GSDMC: variants seen among roughly 807,000 people sequenced by gnomAD.
GSDMC encodes the protein gasdermin-C.
A neutral mutation model predicts 58.0 loss-of-function variants in GSDMC; 59 were observed. The observed-to-expected ratio is 1.02, with a 90% CI of 0.82 to 1.26. GSDMC has a LOEUF of 1.26. Among genes scored for constraint, GSDMC ranks in the 50% most tolerant of loss-of-function variants. The pLI is 0.00. For synonymous variants in GSDMC, 241 were observed against 220.2 expected (o/e 1.09, Z -0.83); for missense variants, 659 against 598.5 (o/e 1.10, Z -1.06).
intron 8 of GSDMC, 95 bp downstream of exon 8, chr8:129,752,011 C>G (rs915820767): frequency 4.1e-6 from 6 of 1,457,522 alleles, no homozygotes; most frequent in Non-Finnish European, 5.8e-6. Context: ...CCCCAGAGGC[C>G]AGACCCCAAG....
chr8:129,728,438 G>A, the GSDMC span, among the ~76,000 whole-genome samples: 1 of 152,150 alleles, frequency 6.6e-6, no homozygotes, highest in Non-Finnish European at 1.5e-5. Flanking sequence ...AGGGGACTGA[G>A]GAAGTTTTCC....
the GSDMC span, among the ~76,000 whole-genome samples, chr8:129,711,222 C>T: frequency 2.0e-5 from 3 of 152,212 alleles, no homozygotes; most frequent in East Asian, 3.8e-4. Flanking sequence ...CGTGTACAAT[C>T]ATGCCACCTT....
the GSDMC span, chr8:129,730,344 A>G: frequency 7.5e-7 from 1 of 1,325,650 alleles, no homozygotes; most frequent in African/African-American, 1.5e-5. Context: ...TGATCTTGAA[A>G]CTGTTATGCA....
chr8:129,707,495 TC>T, the GSDMC span, among the ~76,000 whole-genome samples: 1 of 152,212 alleles, frequency 6.6e-6, no homozygotes, highest in South Asian at 2.1e-4. Context: ...TTACTGTTCT[TC>T]TTTATATTGT....
Position 129,750,101 on chromosome 8 carries a change from C to A in GSDMC, c.1102G>T (p.Gly368Cys). ...LMNMLELDSSGHLDGPGGAIL... is the reference protein window; with the variant it reads ...LMNMLELDSSCHLDGPGGAIL... ...GCACCACCAGGGCCATCCAAATGAC[C>A]TGAGCTGTCCAATTCCAGCTATAGA... Residue 368 changes from glycine (G) to cysteine (C), a missense_variant, in exon 12 of 14, where the codon GGT (glycine) becomes TGT (cysteine). Gly to Cys is a radical substitution (Grantham distance 159). Coordinates refer to ENST00000276708, the MANE Select transcript of GSDMC (RefSeq NM_031415.3). 1.3e-6 allele frequency: 2 copies of A among 1,578,116 alleles called. No homozygotes were observed. Among genetic ancestry groups the A allele is most frequent in the Non-Finnish European group, 1.7e-6 (2 of 1,167,696 alleles).
At chr8:129,706,176 C>T in the GSDMC span, among the ~76,000 whole-genome samples, 3 of 152,110 alleles carry the variant, frequency 2.0e-5, no homozygotes, top group Non-Finnish European at 2.9e-5. Flanking sequence ...GATGTGGATG[C>T]ATTCCAGATT....
the GSDMC span, among the ~76,000 whole-genome samples, chr8:129,727,996 C>T: frequency 6.6e-6 from 1 of 152,096 alleles, no homozygotes; most frequent in East Asian, 1.9e-4. Flanking sequence ...TGTAGCAGGG[C>T]CCTCTCCACT....
intron 6 of GSDMC, among the ~76,000 whole-genome samples, chr8:129,753,268 G>C (rs1170454605): frequency 6.6e-6 from 1 of 152,186 alleles, no homozygotes; most frequent in African/African-American, 2.4e-5. Context: ...AGAGAGTGAA[G>C]AGTACAGAGG....
the GSDMC span, among the ~76,000 whole-genome samples, chr8:129,715,225 T>C: frequency 6.6e-6 from 1 of 152,288 alleles, no homozygotes; most frequent in East Asian, 1.9e-4. Context: ...GAGGGTCTTC[T>C]TAACTCAGTA....
chr8:129,774,490 C>T (rs1431754588), intron 3 of GSDMC, among the ~76,000 whole-genome samples: 3 of 142,846 alleles, frequency 2.1e-5, no homozygotes, highest in Non-Finnish European at 4.6e-5. Flanking sequence ...TTGGTTATGG[C>T]AACAATTTGT....
chr8:129,741,358 T>A, the GSDMC span, among the ~76,000 whole-genome samples: 1 of 152,082 alleles, frequency 6.6e-6, no homozygotes. Flanking sequence ...AATTTGGGGG[T>A]TTTTTTCTAT....
At chr8:129,781,351 A>G (rs1043083706) in intron 1 of GSDMC, among the ~76,000 whole-genome samples, 1 of 152,244 alleles carries the variant, frequency 6.6e-6, no homozygotes, top group African/African-American at 2.4e-5. Flanking sequence ...ATTCGTGTCA[A>G]TGAAAACCAA....
At chr8:129,712,129 C>T in the GSDMC span, among the ~76,000 whole-genome samples, 1 of 152,088 alleles carries the variant, frequency 6.6e-6, no homozygotes, top group Non-Finnish European at 1.5e-5. Context: ...ATAATAATAA[C>T]AATAATAATA....
chr8:129,722,080 T>C, the GSDMC span, among the ~76,000 whole-genome samples: 2 of 152,250 alleles, frequency 1.3e-5, no homozygotes, highest in East Asian at 1.9e-4. Flanking sequence ...TGTTCCTTTA[T>C]GGTATTTCTT....
the GSDMC span, among the ~76,000 whole-genome samples, chr8:129,716,253 T>A: frequency 6.6e-6 from 1 of 152,166 alleles, no homozygotes; most frequent in Non-Finnish European, 1.5e-5. Context: ...TCATATGCTT[T>A]CTACAAGAAA....
In GSDMC at chr8:129,748,393, C is replaced by T; in HGVS notation, c.*108G>A. 8.7e-7 allele frequency: 1 copy of T among 1,147,818 alleles called. No individual in the cohort carries two copies. Among genetic ancestry groups the T allele is most frequent in the Non-Finnish European group, 1.2e-6 (1 of 827,592 alleles). The allele number at this position is 1,147,818 out of a possible 1,614,324, so 71.1% of individuals were successfully genotyped here. A position where few individuals can be genotyped will look rare whatever the true frequency, so the allele number is the denominator to read the frequency against. On this transcript the variant is annotated 3_prime_UTR_variant, in exon 14 of 14. Coordinates refer to ENST00000276708, the MANE Select transcript of GSDMC (RefSeq NM_031415.3). ...CTACCCATTACTGTCTCTACTCCAC[C>T]TGGAAACGCAGAGAGGCACAGCCCT...
At chr8:129,741,915 A>AATATATAT in the GSDMC span, among the ~76,000 whole-genome samples, 3,270 of 126,168 alleles carry the variant, frequency 0.026, 174 homozygotes, top group African/African-American at 0.085. Context: ...AAGAAAATGT[A>AATATATAT]ATATATATAT....
At chr8:129,709,590 T>TAGATGATA in the GSDMC span, among the ~76,000 whole-genome samples, 1 of 146,022 alleles carries the variant, frequency 6.8e-6, no homozygotes, top group Non-Finnish European at 1.5e-5. Context: ...GATAGATAGA[T>TAGATGATA]GATAGATAGA....
the GSDMC span, among the ~76,000 whole-genome samples, chr8:129,720,008 A>G: frequency 6.6e-6 from 1 of 152,216 alleles, no homozygotes; most frequent in Non-Finnish European, 1.5e-5. Flanking sequence ...GTTCTCATCC[A>G]TAAATGGGAA....
Sources: allele counts gnomAD v4.1 joint callset (sites outside exome capture counted in the v4.1 genomes callset), GRCh38; gene constraint gnomAD v4.1.1; transcripts MANE v1.5; gene names NCBI Gene and HGNC (gene_info 2026-07-23, HGNC 2026-07-21).